Variants in SCGB2B2 observed in about 807,000 individuals in gnomAD.
SCGB2B2 encodes secretoglobin family 2B member 2.
In SCGB2B2, 11 loss-of-function variants were observed where a neutral mutation model predicts 7.6. The observed-to-expected ratio is 1.45, with a 90% CI of 0.91 to 2.40. The LOEUF is 2.40. SCGB2B2 is among the 30% of genes most tolerant of loss of function. SCGB2B2 has a pLI of 0.00. For synonymous variants in SCGB2B2, 50 were observed against 48.6 expected (o/e 1.03, Z -0.12); for missense variants, 104 against 115.4 (o/e 0.90, Z 0.45).
At chr19:34,617,215 T>C (rs921471940) in intron 1 of SCGB2B2, among the ~76,000 whole-genome samples, 4 of 152,164 alleles carry the variant, frequency 2.6e-5, no homozygotes, top group African/African-American at 9.7e-5. Flanking sequence ...TTTCCAATTC[T>C]TTGAAGAAAG....
At position 34,677,105 on chromosome 19, in the gene SCGB2B2, G is replaced by A. The variant is rs193012513; in HGVS notation, c.-3507C>T. On this transcript the variant is annotated 5_prime_UTR_variant, in exon 1 of 4. The change creates a new upstream start codon in the 5' untranslated region. Transcript: ENST00000601241. The stretch of plus-strand genomic sequence containing the variant: ...TGCCCTTGGTTGGCGAACTACAGTC[G>A]TGACAGTCGGGCCACAGGGCGTTTT... The A allele has an allele frequency of 4.2e-4, 63 of 150,586 alleles. No individual in the cohort carries two copies. Among genetic ancestry groups the A allele is most frequent in the African/African-American group, 1.4e-3 (56 of 40,860 alleles). 9.3% of individuals were successfully genotyped at this position (150,586 alleles called of 1,614,324 possible).
rs568892811 is a variant in SCGB2B2 at position 34,676,619 on chromosome 19, G to C, written c.-3021C>G. The C allele has an allele frequency of 6.6e-6, 1 of 152,048 alleles. No homozygotes were observed. The highest frequency in any genetic ancestry group is 2.4e-5 in the African/African-American group (1 of 41,372). 9.4% of individuals were successfully genotyped at this position (152,048 alleles called of 1,614,324 possible). ...TGGCTTTGCACTGTGCTCTCCCATG[G>C]ATTTTTTCTTGCGTGAGCTCTAAGA... On this transcript the variant is annotated 5_prime_UTR_variant, in exon 1 of 4. The change creates a new upstream start codon in the 5' untranslated region. Coordinates refer to ENST00000601241, the MANE Select transcript of SCGB2B2 (RefSeq NM_001025591.4).
chr19:34,606,816 T>TA (rs11292811), intron 1 of SCGB2B2, among the ~76,000 whole-genome samples: 3,117 of 147,006 alleles, frequency 0.021, 84 homozygotes, highest in African/African-American at 0.062. Context: ...GGATGCATTG[T>TA]AAAAAAAAAA....
chr19:34,613,014 T>A (rs2065975800), intron 1 of SCGB2B2, among the ~76,000 whole-genome samples: 1 of 152,226 alleles, frequency 6.6e-6, no homozygotes, highest in African/African-American at 2.4e-5. Flanking sequence ...TGTTAAAATC[T>A]ACATTATCAG....
intron 1 of SCGB2B2, among the ~76,000 whole-genome samples, chr19:34,611,341 G>T (rs1428466007): frequency 2.6e-5 from 4 of 151,734 alleles, no homozygotes; most frequent in Admixed American, 1.3e-4. Flanking sequence ...CCTTATTATA[G>T]TTTTCCTCCT....
At chr19:34,661,372 C>G (rs969898460) in intron 1 of SCGB2B2, among the ~76,000 whole-genome samples, 3 of 151,926 alleles carry the variant, frequency 2.0e-5, no homozygotes, top group Non-Finnish European at 2.9e-5. Context: ...TAAATGGCAA[C>G]ATGTACCAGT....
Position 34,616,205 on chromosome 19 carries a change from G to C in SCGB2B2, c.-2031-19611C>G, listed in dbSNP as rs542726031. ...TTATAGTCCTTTGGGTATATACCCA[G>C]TAAAGGGATCACTGGGTCAAATGGT... On this transcript the variant is annotated intron_variant, in intron 1 of 3. Coordinates refer to ENST00000601241, the MANE Select transcript of SCGB2B2 (RefSeq NM_001025591.4). Among the ~76,000 whole-genome samples, 75 of 151,346 alleles carry C rather than the reference G, an allele frequency of 5.0e-4. 1 individual carries two copies. In the South Asian group the frequency reaches 8.7e-3, roughly 18 times the overall value.
At chr19:34,606,797 GA>G (rs2145814698) in intron 1 of SCGB2B2, among the ~76,000 whole-genome samples, 1 of 147,074 alleles carries the variant, frequency 6.8e-6, no homozygotes, top group East Asian at 2.0e-4. Flanking sequence ...TAAACTTTAT[GA>G]TAGGTATGGA....
Position 34,594,533 on chromosome 19 carries a change from G to A in SCGB2B2, c.31C>T (p.Leu11=). The A allele has an allele frequency of 6.2e-7, 1 of 1,613,434 alleles. No homozygotes were observed. The highest frequency in any genetic ancestry group is 1.3e-5 in the African/African-American group (1 of 75,030). The part of the protein sequence containing the change: MRVTSATCAL[L]LALICSVQLG... ...TGGACGCTGCAGATCAGAGCCAGCAGAAGAGCACAGGTGGCGGATGTCACC... is the reference window on the plus strand; with the variant it reads ...TGGACGCTGCAGATCAGAGCCAGCAAAAGAGCACAGGTGGCGGATGTCACC... The change falls in exon 2 of 4, where the codon CTG becomes TTG. Residue 11 remains leucine, a synonymous_variant. Transcript: ENST00000601241.
chr19:34,642,739 A>AAAAAAT (rs1555747824), intron 1 of SCGB2B2, among the ~76,000 whole-genome samples: 2 of 148,380 alleles, frequency 1.3e-5, no homozygotes, highest in African/African-American at 2.5e-5. Context: ...AAAAAAAAAA[A>AAAAAAT]GTGGGCAAAG....
chr19:34,644,441 A>C (rs914853636), intron 1 of SCGB2B2, among the ~76,000 whole-genome samples: 5 of 150,694 alleles, frequency 3.3e-5, no homozygotes, highest in Admixed American at 6.6e-5. Flanking sequence ...GTTCAGTGGC[A>C]TTAAGTAAAT....
chr19:34,598,832 A>G (rs2065535657), intron 1 of SCGB2B2, among the ~76,000 whole-genome samples: 1 of 152,206 alleles, frequency 6.6e-6, no homozygotes, highest in Non-Finnish European at 1.5e-5. Context: ...GGGGAACTTG[A>G]GCATCTTCCA....
Position 34,594,271 on chromosome 19 carries a change from G to A in SCGB2B2, c.150C>T (p.Tyr50=). 6.2e-7 allele frequency: 1 copy of A among 1,614,060 alleles called. No homozygotes were observed. The highest frequency in any genetic ancestry group is 8.5e-7 in the Non-Finnish European group (1 of 1,179,920). The change falls in exon 3 of 4, where the codon TAC becomes TAT. Residue 50 remains tyrosine (Y), a synonymous_variant. Transcript: ENST00000601241. ...QDLLKEELAR[Y]NPSPLTEESF... ...ACTCCTCTGTCAGGGGACTGGGGTT[G>A]TAACGAGCAAGCTCCTCCTTCAGGA...
In SCGB2B2 at chr19:34,649,151, C is replaced by T. The variant is rs546782957; in HGVS notation, c.-2032+26479G>A. On this transcript the variant is annotated intron_variant, in intron 1 of 3. Coordinates refer to ENST00000601241, the MANE Select transcript of SCGB2B2 (RefSeq NM_001025591.4). Reference sequence around the variant, plus strand: ...TTGAACTCCTGACCTCGTGATCCGCCCACCTCGGCCTCCCAAAGTGCTGGG... The same window carrying T: ...TTGAACTCCTGACCTCGTGATCCGCTCACCTCGGCCTCCCAAAGTGCTGGG... 3.9e-5 allele frequency among the ~76,000 whole-genome samples: 6 copies of T among 152,278 alleles called. No individual in the cohort carries two copies. The South Asian group carries it at 1.2e-3, about 32-fold the overall frequency.
chr19:34,598,653 C>T (rs1216206194), intron 1 of SCGB2B2, among the ~76,000 whole-genome samples: 9 of 152,008 alleles, frequency 5.9e-5, no homozygotes, highest in African/African-American at 1.9e-4. Context: ...CAGCATGTGG[C>T]ATCTGCCAGT....
intron 1 of SCGB2B2, among the ~76,000 whole-genome samples, chr19:34,653,934 C>T (rs1396022096): frequency 4.0e-5 from 6 of 150,232 alleles, no homozygotes; most frequent in Admixed American, 2.0e-4. Flanking sequence ...TCGTACCACT[C>T]GTATTTAACA....
At chr19:34,586,930 G>A (rs1457613929), downstream of SCGB2B2, among the ~76,000 whole-genome samples, 10 of 152,124 alleles carry the variant, frequency 6.6e-5, no homozygotes, top group East Asian at 7.7e-4. Flanking sequence ...TCTTTGAGAC[G>A]GAGTTTCACT....
intron 1 of SCGB2B2, among the ~76,000 whole-genome samples, chr19:34,622,198 A>G (rs2066260009): frequency 6.6e-6 from 1 of 152,152 alleles, no homozygotes; most frequent in Non-Finnish European, 1.5e-5. Flanking sequence ...CTGGCTGTTG[A>G]GCTGGACCTT....
Position 34,594,494 on chromosome 19 carries a change from C to T in SCGB2B2, c.61+9G>A, listed in dbSNP as rs1217487076. The T allele has an allele frequency of 6.2e-7, 1 of 1,613,310 alleles. No individual in the cohort carries two copies. The highest frequency in any genetic ancestry group is 8.5e-7 in the Non-Finnish European group (1 of 1,179,912). On this transcript the variant is annotated intron_variant, in intron 2 of 3. Transcript: ENST00000601241. ...CGCTTCCTCCCAGCCCTGCTCGCCT[C>T]TTTCTTACCCAGCTGGACGCTGCAG... is the stretch of plus-strand genomic sequence containing the variant.
Sources: allele counts gnomAD v4.1 joint callset (sites outside exome capture counted in the v4.1 genomes callset), GRCh38; gene constraint gnomAD v4.1.1; transcripts MANE v1.5; gene names NCBI Gene and HGNC (gene_info 2026-07-23, HGNC 2026-07-21).